Variants in TUSC3 observed in about 807,000 individuals in gnomAD.
TUSC3 encodes the protein dolichyl-diphosphooligosaccharide--protein glycosyltransferase subunit TUSC3.
Under a neutral mutation model 44.8 loss-of-function variants are expected in TUSC3, and 45 were observed. The ratio of observed to expected loss-of-function variants is 1.00; its 90% CI spans 0.79 to 1.29. The LOEUF (loss-of-function observed/expected upper bound fraction) is 1.29, where lower values mean the gene tolerates loss of function less well. Ranked by LOEUF, TUSC3 falls within the 50% of genes most tolerant of loss-of-function variation. The pLI is 0.00. For missense variants in TUSC3, 519 were observed against 437.9 expected, an observed-to-expected ratio of 1.19 and a Z score of -1.65; for synonymous variants, 212 against 152.9, an observed-to-expected ratio of 1.39 and a Z score of -2.85.
rs1185771810 is a variant in TUSC3, at chr8:15,665,991, ACTTG to A, written c.708+3699_708+3702del. On this transcript the variant is annotated intron_variant, in intron 5 of 10. Coordinates refer to ENST00000503731, the MANE Select transcript of TUSC3 (RefSeq NM_006765.4). ...ATGGTGGACAATAAGCATATACATT[ACTTG>A]CTTTATGATGAATTTAAAGTAGAAT... Among the ~76,000 whole-genome samples the A allele has an allele frequency of 5.3e-5, 8 of 151,524 alleles. No homozygotes were observed. In the South Asian group the frequency reaches 1.5e-3, roughly 28 times the overall value.
At chr8:15,761,539 T>G (rs1057103713) in intron 10 of TUSC3, among the ~76,000 whole-genome samples, 1 of 152,206 alleles carries the variant, frequency 6.6e-6, no homozygotes, top group African/African-American at 2.4e-5. Flanking sequence ...TCAGTTACAG[T>G]TGACCATGCA....
At chr8:15,532,545 G>C (rs1183465744) in intron 2 of TUSC3, among the ~76,000 whole-genome samples, 1 of 152,158 alleles carries the variant, frequency 6.6e-6, no homozygotes. Context: ...AGGTACTGGG[G>C]AGAGAGTAAG....
chr8:15,606,305 A>T (rs1804525109), intron 1 of TUSC3, among the ~76,000 whole-genome samples: 1 of 151,966 alleles, frequency 6.6e-6, no homozygotes, highest in African/African-American at 2.4e-5. Flanking sequence ...TCTAAATAAC[A>T]TTTTCTTTAG....
chr8:15,641,723 C>T lies in TUSC3; in HGVS notation c.309-8974C>T, dbSNP rs531871757. On this transcript the variant is annotated intron_variant, in intron 2 of 10. Transcript: ENST00000503731. Reference sequence around the variant, plus strand: ...AGTTTATACATTACAAAGTTGAAAGCCAGTCCACAAGTACAGATTTTCAAA... The same window carrying T: ...AGTTTATACATTACAAAGTTGAAAGTCAGTCCACAAGTACAGATTTTCAAA... 4.2e-4 allele frequency among the ~76,000 whole-genome samples: 64 copies of T among 152,272 alleles called. 1 individual carries two copies. The South Asian group carries it at 0.012, about 29-fold the overall frequency.
chr8:15,503,683 A>T (rs958547795), intron 2 of TUSC3, among the ~76,000 whole-genome samples: 3 of 152,052 alleles, frequency 2.0e-5, no homozygotes, highest in African/African-American at 7.2e-5. Context: ...CAGCCTGGGT[A>T]ACAGAGTGAA....
chr8:15,491,756 T>G lies in TUSC3; in HGVS notation n.189+8273T>G, dbSNP rs191263710. ...TCTACTACCGGCCAACGCAGAGACA[T>G]TTGCTGAAGAAAACAGGCTGAACAC... On this transcript the variant is annotated intron_variant and non_coding_transcript_variant, in intron 2 of 5. Coordinates refer to the TUSC3 transcript ENST00000503191. Among the ~76,000 whole-genome samples, 510 of 152,236 alleles carry G rather than the reference T, an allele frequency of 3.4e-3. 2 individuals are homozygous for G. Among genetic ancestry groups the G allele is most frequent in the African/African-American group, 0.012 (494 of 41,532 alleles).
At chr8:15,551,390 T>G (rs1802056633) in intron 1 of TUSC3, among the ~76,000 whole-genome samples, 1 of 151,772 alleles carries the variant, frequency 6.6e-6, no homozygotes, top group East Asian at 1.9e-4. Context: ...ATAACAGTCT[T>G]GCTTTGATTT....
chr8:15,583,970 G>T (rs1021746000), intron 1 of TUSC3, among the ~76,000 whole-genome samples: 2 of 152,172 alleles, frequency 1.3e-5, no homozygotes, highest in African/African-American at 2.4e-5. Flanking sequence ...TCTCATGATA[G>T]ATAGTGTCAG....
chr8:15,676,971 T>C (rs1808218552), intron 6 of TUSC3, among the ~76,000 whole-genome samples: 1 of 152,196 alleles, frequency 6.6e-6, no homozygotes, highest in African/African-American at 2.4e-5. Context: ...GTTGTATATA[T>C]TGAAAGTCAT....
In TUSC3 at chr8:15,590,532, A is replaced by T. The variant is rs80213682; in HGVS notation, c.139-32548A>T. Among the ~76,000 whole-genome samples, 1,240 of 152,136 alleles carry T rather than the reference A, an allele frequency of 8.2e-3. 17 individuals carry two copies. Among genetic ancestry groups the T allele is most frequent in the African/African-American group, 0.029 (1,200 of 41,504 alleles). ...ACATTTAATTTTTGTTTTGAATTTT[A>T]TTTACTATTTTTAGAGGTTCTAGAA... On this transcript the variant is annotated intron_variant, in intron 1 of 10. Transcript: ENST00000503731.
At chr8:15,569,016 A>C (rs1300138870) in intron 1 of TUSC3, among the ~76,000 whole-genome samples, 1 of 152,124 alleles carries the variant, frequency 6.6e-6, no homozygotes, top group East Asian at 1.9e-4. Flanking sequence ...GACCTGATTT[A>C]CATTAGATAG....
At chr8:15,633,506 A>C (rs923105492) in intron 2 of TUSC3, among the ~76,000 whole-genome samples, 1 of 152,218 alleles carries the variant, frequency 6.6e-6, no homozygotes, top group Admixed American at 6.5e-5. Flanking sequence ...TTGTAGATGT[A>C]ATTAGTTAAG....
chr8:15,731,392 C>G (rs1166370281), intron 7 of TUSC3, among the ~76,000 whole-genome samples: 1 of 152,078 alleles, frequency 6.6e-6, no homozygotes, highest in African/African-American at 2.4e-5. Context: ...TAACGTGTGC[C>G]TCTAGTATCC....
At chr8:15,468,175 G>A (rs140937233) in intron 1 of TUSC3, among the ~76,000 whole-genome samples, 17 of 152,222 alleles carry the variant, frequency 1.1e-4, no homozygotes, top group South Asian at 2.1e-4. Flanking sequence ...TGAGAGAAAC[G>A]GAATTTCGTT....
the TUSC3 span, among the ~76,000 whole-genome samples, chr8:15,798,557 T>A: frequency 6.6e-6 from 1 of 152,076 alleles, no homozygotes; most frequent in Non-Finnish European, 1.5e-5. Context: ...GACTTCACAT[T>A]TACCTTCAGT....
chr8:15,545,673 C>T (rs1801839414), intron 1 of TUSC3, among the ~76,000 whole-genome samples: 1 of 151,512 alleles, frequency 6.6e-6, no homozygotes, highest in Non-Finnish European at 1.5e-5. Context: ...ATGTTTAGTC[C>T]CATATATGTG....
chr8:15,677,574 C>A (rs1808246883), intron 6 of TUSC3, among the ~76,000 whole-genome samples: 1 of 152,160 alleles, frequency 6.6e-6, no homozygotes, highest in Non-Finnish European at 1.5e-5. Flanking sequence ...TTCTGCTTTT[C>A]TTAGTTTGTA....
At chr8:15,738,232 T>C (rs1811018558) in intron 7 of TUSC3, among the ~76,000 whole-genome samples, 1 of 152,226 alleles carries the variant, frequency 6.6e-6, no homozygotes, top group Admixed American at 6.5e-5. Flanking sequence ...GTATATAACC[T>C]ATGTCTAGTA....
intron 1 of TUSC3, among the ~76,000 whole-genome samples, chr8:15,439,467 G>C (rs1042158682): frequency 6.6e-6 from 1 of 152,196 alleles, no homozygotes; most frequent in African/African-American, 2.4e-5. Context: ...TGAGATGGGA[G>C]GATCACTTGA....
Sources: allele counts gnomAD v4.1 joint callset (sites outside exome capture counted in the v4.1 genomes callset), GRCh38; gene constraint gnomAD v4.1.1; transcripts MANE v1.5; gene names NCBI Gene and HGNC (gene_info 2026-07-23, HGNC 2026-07-21).